OSBPL1A: variants seen among roughly 807,000 people sequenced by gnomAD.
OSBPL1A encodes oxysterol binding protein like 1A, also known as oxysterol-binding protein-related protein 1.
In OSBPL1A, 80 loss-of-function variants were observed where a neutral mutation model predicts 137.1. The observed-to-expected ratio is 0.58, with a 90% CI of 0.49 to 0.70. The LOEUF is 0.70. Among genes scored for constraint, OSBPL1A ranks in the 30% least tolerant of loss-of-function variants. The pLI is 0.00. For missense variants in OSBPL1A, 970 were observed against 1,129.4 expected (o/e 0.86, Z 2.02); for synonymous variants, 365 against 389.7 (o/e 0.94, Z 0.75).
At chr18:24,172,036 G>A (rs1231085893) in intron 22 of OSBPL1A, among the ~76,000 whole-genome samples, 1 of 151,810 alleles carries the variant, frequency 6.6e-6, no homozygotes. Flanking sequence ...CGCCTCCTGG[G>A]TTCAAGCAAT....
intron 1 of OSBPL1A, among the ~76,000 whole-genome samples, chr18:24,382,461 C>T (rs1245820336): frequency 6.6e-6 from 1 of 151,356 alleles, no homozygotes; most frequent in Non-Finnish European, 1.5e-5. Context: ...CCTGTAGTCC[C>T]AGCCATTGGA....
Position 24,319,744 on chromosome 18 carries a change from T to G in OSBPL1A, c.626-935A>C, listed in dbSNP as rs193187809. Among the ~76,000 whole-genome samples, 7 of 152,284 alleles carry G rather than the reference T, an allele frequency of 4.6e-5. 1 individual carries two copies. The highest frequency in any genetic ancestry group is 4.6e-4 in the Admixed American group (7 of 15,282). ...CATCTCCTAGCCTCAAATAGCTTAT[T>G]ATTAGAGAAATGAAAGCTACCTATG... On this transcript the variant is annotated intron_variant, in intron 7 of 27. Transcript: ENST00000319481.
intron 4 of OSBPL1A, among the ~76,000 whole-genome samples, chr18:24,350,307 C>A (rs2091416816): frequency 1.3e-5 from 2 of 152,206 alleles, no homozygotes; most frequent in Non-Finnish European, 2.9e-5. Flanking sequence ...ATGGTCAAAG[C>A]CACACATTGT....
At chr18:24,220,676 TAGAC>T (rs568277590) in intron 17 of OSBPL1A, among the ~76,000 whole-genome samples, 25 of 152,154 alleles carry the variant, frequency 1.6e-4, no homozygotes, top group Admixed American at 6.5e-4. Flanking sequence ...TATTTCCTGA[TAGAC>T]AGAGTATTTT....
chr18:24,362,471 A>G (rs896274989), intron 4 of OSBPL1A, among the ~76,000 whole-genome samples: 3 of 152,250 alleles, frequency 2.0e-5, no homozygotes, highest in African/African-American at 7.2e-5. Context: ...AAACATGCTT[A>G]GCACATACAG....
At chr18:24,250,301 C>T (rs988806867) in intron 15 of OSBPL1A, among the ~76,000 whole-genome samples, 9 of 152,038 alleles carry the variant, frequency 5.9e-5, no homozygotes, top group East Asian at 3.9e-4. Context: ...CTTAGCCTCC[C>T]GAGTAGCTGG....
At chr18:24,227,528 G>A (rs1437263471) in intron 16 of OSBPL1A, among the ~76,000 whole-genome samples, 1 of 152,206 alleles carries the variant, frequency 6.6e-6, no homozygotes, top group East Asian at 1.9e-4. Flanking sequence ...AAACATGGGA[G>A]CAATACAATG....
At chr18:24,275,946 C>T (rs988478178) in intron 15 of OSBPL1A, among the ~76,000 whole-genome samples, 3 of 152,022 alleles carry the variant, frequency 2.0e-5, no homozygotes, top group Admixed American at 6.6e-5. Context: ...ACAGATTGGT[C>T]TCAAACTCCT....
intron 1 of OSBPL1A, among the ~76,000 whole-genome samples, chr18:24,388,934 T>C (rs16940690): frequency 0.019 from 2,938 of 152,302 alleles, 93 homozygotes; most frequent in African/African-American, 0.066. Flanking sequence ...TTAATTTCCA[T>C]TAATTTCTGA....
At chr18:24,180,170 T>C (rs188898041) in intron 19 of OSBPL1A, among the ~76,000 whole-genome samples, 5 of 152,228 alleles carry the variant, frequency 3.3e-5, no homozygotes, top group African/African-American at 7.2e-5. Context: ...CACTCCAGGA[T>C]TGGGGAAAGA....
At chr18:24,311,940 T>G (rs779983062) in intron 13 of OSBPL1A, 44 bp downstream of exon 13, 1 of 1,609,002 alleles carries the variant, frequency 6.2e-7, no homozygotes, top group South Asian at 1.1e-5. Flanking sequence ...TTAAACCTCA[T>G]GACATAGATA....
rs1366118321 is a variant in OSBPL1A at position 24,180,350 on chromosome 18, A to C, written c.1813-515T>G. Among the ~76,000 whole-genome samples the C allele has an allele frequency of 4.6e-5, 7 of 152,352 alleles. No individual in the cohort carries two copies. The East Asian group carries it at 1.3e-3, about 29-fold the overall frequency. ...TAACTAGTCCATCCATGTACAACAT[A>C]TACAATCTTCCATCTAAAACATTAA... On this transcript the variant is annotated intron_variant, in intron 19 of 27. Transcript: ENST00000319481.
At chr18:24,250,230 G>A (rs1392766415) in intron 15 of OSBPL1A, among the ~76,000 whole-genome samples, 1 of 151,606 alleles carries the variant, frequency 6.6e-6, no homozygotes, top group Non-Finnish European at 1.5e-5. Flanking sequence ...AGACTGGAGA[G>A]CAGTAGTGTG....
At chr18:24,209,347 T>C (rs1212103230) in intron 17 of OSBPL1A, among the ~76,000 whole-genome samples, 1 of 152,070 alleles carries the variant, frequency 6.6e-6, no homozygotes, top group Non-Finnish European at 1.5e-5. Context: ...AAAATATAAA[T>C]TAAAACCACA....
intron 1 of OSBPL1A, among the ~76,000 whole-genome samples, chr18:24,389,231 A>G (rs1907157886): frequency 6.6e-6 from 1 of 152,182 alleles, no homozygotes; most frequent in Admixed American, 6.5e-5. Flanking sequence ...TTTTAGATTA[A>G]TGAGATTTTC....
At chr18:24,363,913 C>A (rs573889496) in intron 4 of OSBPL1A, among the ~76,000 whole-genome samples, 1 of 152,074 alleles carries the variant, frequency 6.6e-6, no homozygotes, top group South Asian at 2.1e-4. Context: ...GCTGAGATTA[C>A]AGGCGTGAGC....
chr18:24,190,655 G>T (rs2086867542), intron 18 of OSBPL1A, among the ~76,000 whole-genome samples: 1 of 152,174 alleles, frequency 6.6e-6, no homozygotes, highest in East Asian at 1.9e-4. Flanking sequence ...ACCAAATTTT[G>T]TTTAACTATC....
At chr18:24,208,847 T>C (rs375650745) in intron 17 of OSBPL1A, among the ~76,000 whole-genome samples, 23 of 152,312 alleles carry the variant, frequency 1.5e-4, no homozygotes, top group African/African-American at 5.5e-4. Flanking sequence ...TTGTTTACTC[T>C]GAGGAATTAA....
At position 24,318,744 on chromosome 18, in the gene OSBPL1A, G is replaced by C; in HGVS notation, c.687+4C>G. 1 of 1,611,338 alleles carries C rather than the reference G, an allele frequency of 6.2e-7. No individual in the cohort carries two copies. Among genetic ancestry groups the C allele is most frequent in the Non-Finnish European group, 8.5e-7 (1 of 1,178,824 alleles). ...TTAGATAAATTTAATTCATTACTCT[G>C]TACCTTATTACCAACAAGAATGTGT... On this transcript the variant is annotated splice_donor_region_variant and intron_variant, in intron 8 of 27. Coordinates refer to ENST00000319481, the MANE Select transcript of OSBPL1A (RefSeq NM_080597.4).
Sources: gnomAD v4.1 joint callset for allele counts (sites outside exome capture counted in the v4.1 genomes callset) on GRCh38, gnomAD v4.1.1 for gene constraint, MANE v1.5 for transcripts, NCBI Gene and HGNC (gene_info 2026-07-23, HGNC 2026-07-21) for gene names.